The following SERPINA12 variants were observed in gnomAD, a reference collection of about 807,000 sequenced individuals.
The protein encoded by SERPINA12 is serpin A12.
Under a neutral mutation model 25.9 loss-of-function variants are expected in SERPINA12, and 21 were observed. That is an observed-to-expected ratio of 0.81 (90% CI 0.58 to 1.17). The LOEUF (loss-of-function observed/expected upper bound fraction) is 1.17. Ranked by LOEUF, SERPINA12 falls within the 50% of genes most tolerant of loss-of-function variation. The pLI, the probability that SERPINA12 is intolerant of heterozygous loss-of-function variation, is 0.00. For synonymous variants in SERPINA12, 220 were observed against 196.0 expected (o/e 1.12, Z -1.02); for missense variants, 562 against 508.3 (o/e 1.11, Z -1.02).
At chr14:94,508,722 G>C (rs558715185) in intron 1 of SERPINA12, among the ~76,000 whole-genome samples, 19 of 152,252 alleles carry the variant, frequency 1.2e-4, no homozygotes, top group Non-Finnish European at 2.5e-4. Context: ...ACAAGATAGA[G>C]AGCTAATGTT....
chr14:94,488,023 C>T (rs923253548), intron 4 of SERPINA12, among the ~76,000 whole-genome samples: 1 of 152,196 alleles, frequency 6.6e-6, no homozygotes, highest in Admixed American at 6.5e-5. Flanking sequence ...TGTGTGAAAT[C>T]CTGGCACATT....
chr14:94,494,539 C>G (rs2236240), intron 3 of SERPINA12, among the ~76,000 whole-genome samples: 1 of 152,050 alleles, frequency 6.6e-6, no homozygotes, highest in Non-Finnish European at 1.5e-5. Flanking sequence ...TGCCATCCCT[C>G]GAGATCTGCA....
At chr14:94,514,403 C>T (rs562660016), upstream of SERPINA12, among the ~76,000 whole-genome samples, 22 of 152,312 alleles carry the variant, frequency 1.4e-4, no homozygotes, top group South Asian at 8.3e-4. Context: ...CAGAGCTGGA[C>T]GCCACAGCTA....
In SERPINA12 at chr14:94,497,899, A is replaced by C; in HGVS notation, c.499T>G (p.Phe167Val). 6.2e-7 allele frequency: 1 copy of C among 1,614,202 alleles called. No homozygotes were observed. The highest frequency in any genetic ancestry group is 8.5e-7 in the Non-Finnish European group (1 of 1,180,044). ...TTCTGAGCCATTTCCAAATTCTGAA[A>C]GTTGGTAAGGATGGTTTCGGCACTG... ...FYSAETILTN[F>V]QNLEMAQKQI... Residue 167 changes from phenylalanine (F) to valine (V), a missense_variant, in exon 2 of 5, where the codon TTT (phenylalanine) becomes GTT (valine). Transcript: ENST00000677451.
chr14:94,510,871 C>A (rs1265202533), upstream of SERPINA12, among the ~76,000 whole-genome samples: 3 of 152,104 alleles, frequency 2.0e-5, no homozygotes, highest in Non-Finnish European at 1.5e-5. Flanking sequence ...CATGTTCTTG[C>A]CCATAAGTGG....
chr14:94,516,712 C>A (rs1015660177), intron 1 of SERPINA12, among the ~76,000 whole-genome samples: 4 of 152,220 alleles, frequency 2.6e-5, no homozygotes, highest in African/African-American at 4.8e-5. Context: ...AAAGCTTATA[C>A]CTTACAGTTT....
Sources: allele counts gnomAD v4.1 joint callset (sites outside exome capture counted in the v4.1 genomes callset), GRCh38; gene constraint gnomAD v4.1.1; transcripts MANE v1.5; gene names NCBI Gene and HGNC (gene_info 2026-07-23, HGNC 2026-07-21).